The following REV1 variants were observed in gnomAD, a reference collection of about 807,000 sequenced individuals.
REV1 encodes the protein REV1 DNA directed polymerase.
In REV1, 42 loss-of-function variants were observed where a neutral mutation model predicts 137.4. The observed-to-expected ratio is 0.31, with a 90% confidence interval of 0.24 to 0.40. The LOEUF is 0.40. REV1 is among the 10% of genes least tolerant of loss of function. The pLI is 1.00. For missense variants in REV1, 1,282 were observed against 1,490.1 expected (o/e 0.86, Z 2.30); for synonymous variants, 524 against 519.2 (o/e 1.01, Z -0.12).
chr2:99,452,427 A>C (rs1005328249), intron 3 of REV1, among the ~76,000 whole-genome samples: 1 of 151,792 alleles, frequency 6.6e-6, no homozygotes, highest in African/African-American at 2.4e-5. Flanking sequence ...TGTCTAAAAA[A>C]AAAAAAAAAG....
At chr2:99,482,822 G>C (rs1471836720) in intron 1 of REV1, among the ~76,000 whole-genome samples, 1 of 151,964 alleles carries the variant, frequency 6.6e-6, no homozygotes, top group Non-Finnish European at 1.5e-5. Context: ...TTCGAGACCA[G>C]CCTGGCCAAC....
At chr2:99,472,888 T>C (rs1287691826) in intron 1 of REV1, among the ~76,000 whole-genome samples, 1 of 152,254 alleles carries the variant, frequency 6.6e-6, no homozygotes, top group Non-Finnish European at 1.5e-5. Flanking sequence ...CAGCTTTTTA[T>C]GTAACATTTA....
intron 6 of REV1, among the ~76,000 whole-genome samples, chr2:99,436,282 TAAC>T (rs1283262090): frequency 1.3e-5 from 2 of 152,170 alleles, no homozygotes; most frequent in Admixed American, 6.5e-5. Context: ...CTGGATAAAA[TAAC>T]AACAATAAAA....
Position 99,412,842 on chromosome 2 carries a change from T to C in REV1, c.2061A>G (p.Thr687=). 6.2e-7 allele frequency: 1 copy of C among 1,614,160 alleles called. No homozygotes were observed. Among genetic ancestry groups the C allele is most frequent in the South Asian group, 1.1e-5 (1 of 91,082 alleles). The change falls in exon 13 of 23, where the codon ACA becomes ACG. Residue 687 remains threonine (T), a synonymous_variant. Transcript: ENST00000258428. ...GGCAGAACCTATAAAGCATCTGACCTGTTTTGGGACCAAATTCTTTTTGGA... is the reference window on the plus strand; with the variant it reads ...GGCAGAACCTATAAAGCATCTGACCCGTTTTGGGACCAAATTCTTTTTGGA... ...AKLQKEFGPK[T]GQMLYRFCRG...
At chr2:99,441,142 T>C (rs1004644549) in intron 5 of REV1, among the ~76,000 whole-genome samples, 2 of 152,186 alleles carry the variant, frequency 1.3e-5, no homozygotes, top group African/African-American at 4.8e-5. Context: ...TGAAAAGGTT[T>C]TCTGGTATTA....
intron 3 of REV1, among the ~76,000 whole-genome samples, chr2:99,461,115 C>A (rs759285317): frequency 2.2e-4 from 33 of 152,202 alleles, no homozygotes; most frequent in Non-Finnish European, 3.7e-4. Context: ...AGAAAAGTTA[C>A]AAGCTTTCTG....
chr2:99,405,983 C>A lies in REV1; in HGVS notation c.2738G>T (p.Trp913Leu). Residue 913 changes from tryptophan (W) to leucine (L), a missense_variant, in exon 17 of 23, where the codon TGG (tryptophan) becomes TTG (leucine). Trp to Leu is a moderately conservative substitution (Grantham distance 61). Around this residue, in one of 7 missense-constraint regions of REV1, gnomAD observed 135 missense variants for 123.3 expected, o/e 1.10. Coordinates refer to ENST00000258428, the MANE Select transcript of REV1 (RefSeq NM_016316.4). ...ACTGACAGGAGTATGTAGACCATTC[C>A]ATTTCCCTGAAGACTCAGCCTTGTT... is the stretch of plus-strand genomic sequence containing the variant. ...DTNKAESSGKWNGLHTPVSVQ... is the reference protein window; with the variant it reads ...DTNKAESSGKLNGLHTPVSVQ... 1 of 1,613,988 alleles carries A rather than the reference C, an allele frequency of 6.2e-7. No individual in the cohort carries two copies. Among genetic ancestry groups the A allele is most frequent in the Non-Finnish European group, 8.5e-7 (1 of 1,179,930 alleles).
chr2:99,431,641 C>T, intron 8 of REV1: 2 of 765,300 alleles, frequency 2.6e-6, no homozygotes, highest in Non-Finnish European at 3.2e-6. Flanking sequence ...TAACAGAAAA[C>T]TTATGCTTGA....
chr2:99,416,534 A>G (rs1256287198), intron 12 of REV1, among the ~76,000 whole-genome samples: 1 of 152,182 alleles, frequency 6.6e-6, no homozygotes, highest in Non-Finnish European at 1.5e-5. Context: ...TGAAGAAGAG[A>G]AGGCCAACTC....
chr2:99,478,648 A>G (rs1686247777), intron 1 of REV1, among the ~76,000 whole-genome samples: 1 of 152,242 alleles, frequency 6.6e-6, no homozygotes, highest in Non-Finnish European at 1.5e-5. Context: ...AACAGAACTT[A>G]GCTGAAGAAT....
At chr2:99,408,688 G>A (rs1027356738) in intron 14 of REV1, among the ~76,000 whole-genome samples, 1 of 152,188 alleles carries the variant, frequency 6.6e-6, no homozygotes, top group Non-Finnish European at 1.5e-5. Context: ...GCATTATTAG[G>A]TCTCAAAGAT....
Position 99,434,386 on chromosome 2 carries a change from T to TAGC in REV1, c.1381_1383dup (p.Ala461dup). 6.2e-7 allele frequency: 1 copy of TAGC among 1,607,516 alleles called. No individual in the cohort carries two copies. Among genetic ancestry groups the TAGC allele is most frequent in the Non-Finnish European group, 8.5e-7 (1 of 1,177,174 alleles). Reference sequence around the variant, plus strand: ...TAATACTGCCACTCCAGCTGGGGGTTAGCGCCAGGACGTAAAGGTGCCCTT... The same window carrying TAGC: ...TAATACTGCCACTCCAGCTGGGGGTTAGCAGCGCCAGGACGTAAAGGTGCCCTT... On this transcript the variant is annotated inframe_insertion, in exon 8 of 23. Coordinates refer to ENST00000258428, the MANE Select transcript of REV1 (RefSeq NM_016316.4).
At chr2:99,415,692 T>C (rs1677759275) in intron 12 of REV1, among the ~76,000 whole-genome samples, 1 of 152,248 alleles carries the variant, frequency 6.6e-6, no homozygotes, top group South Asian at 2.1e-4. Flanking sequence ...TTCACTTGGC[T>C]ACGTAGCTAC....
intron 1 of REV1, among the ~76,000 whole-genome samples, chr2:99,478,126 C>T (rs1686194294): frequency 6.6e-6 from 1 of 152,106 alleles, no homozygotes; most frequent in Non-Finnish European, 1.5e-5. Flanking sequence ...GTCCCAGCTA[C>T]TCGGGAGGCT....
chr2:99,454,469 G>C (rs1391080714), intron 3 of REV1, among the ~76,000 whole-genome samples: 1 of 145,452 alleles, frequency 6.9e-6, no homozygotes, highest in Non-Finnish European at 1.5e-5. Flanking sequence ...AGAACCACTG[G>C]AACCCAGGTG....
At chr2:99,416,609 T>C (rs566610257) in intron 12 of REV1, among the ~76,000 whole-genome samples, 1 of 152,290 alleles carries the variant, frequency 6.6e-6, no homozygotes, top group East Asian at 1.9e-4. Context: ...GGCCAGGACA[T>C]GTAACTTCAC....
At chr2:99,474,512 AAC>A (rs1201577546) in intron 1 of REV1, among the ~76,000 whole-genome samples, 3 of 152,254 alleles carry the variant, frequency 2.0e-5, no homozygotes, top group African/African-American at 7.2e-5. Context: ...GTAATCTAGC[AAC>A]AGTCTGGATC....
intron 8 of REV1, chr2:99,432,064 A>ATACAG: frequency 4.3e-6 from 1 of 234,608 alleles, no homozygotes; most frequent in Non-Finnish European, 7.0e-6. Flanking sequence ...GAAATCCAGG[A>ATACAG]AGGGGTAAAA....
chr2:99,426,448 G>A (rs772532776), intron 9 of REV1, among the ~76,000 whole-genome samples: 10 of 151,554 alleles, frequency 6.6e-5, no homozygotes, highest in South Asian at 4.2e-4. Context: ...AAAATTTTCC[G>A]AAGCACATTA....
Sources: gnomAD v4.1 joint callset for allele counts (sites outside exome capture counted in the v4.1 genomes callset) on GRCh38, gnomAD v4.1.1 for gene constraint, gnomAD v4.1.1 regional missense constraint, MANE v1.5 for transcripts, NCBI Gene and HGNC (gene_info 2026-07-23, HGNC 2026-07-21) for gene names.